The following TSPAN8 variants were observed in gnomAD, a reference collection of about 807,000 sequenced individuals.
TSPAN8 encodes tetraspanin-8.
A neutral mutation model predicts 32.8 loss-of-function variants in TSPAN8; 21 were observed. The observed-to-expected ratio is 0.64, with a 90% confidence interval of 0.45 to 0.92. The LOEUF is 0.92. TSPAN8 is among the 40% of genes least tolerant of loss of function. The pLI, the probability that TSPAN8 is intolerant of heterozygous loss-of-function variation, is 0.00. For missense variants in TSPAN8, 269 were observed against 281.9 expected (o/e 0.95, Z 0.33); for synonymous variants, 95 against 94.6 (o/e 1.00, Z -0.03).
At chr12:71,156,195 G>A (rs1460793812) in intron 2 of TSPAN8, among the ~76,000 whole-genome samples, 1 of 147,282 alleles carries the variant, frequency 6.8e-6, no homozygotes, top group African/African-American at 2.6e-5. Context: ...CACCTGGGCT[G>A]GCCAATGGAG....
rs1045767472 is a variant in TSPAN8 at position 71,129,556 on chromosome 12, A to G, written c.577-142T>C. The G allele has an allele frequency of 4.3e-6, 4 of 923,126 alleles. No homozygotes were observed. The African/African-American group carries it at 6.9e-5, about 16-fold the overall frequency. The allele number at this position is 923,126 out of a possible 1,614,324, so 57.2% of individuals were successfully genotyped here. ...GACAAGGAACTGGGTTATTCCTTCC[A>G]CTCCCTGCTTCACCTTTGCTCCAAA... On this transcript the variant is annotated intron_variant, in intron 7 of 8. Transcript: ENST00000247829.
chr12:71,139,362 T>G, intron 4 of TSPAN8: 1 of 453,292 alleles, frequency 2.2e-6, no homozygotes, highest in Non-Finnish European at 4.1e-6. Flanking sequence ...CTGGGGCCAC[T>G]CCCACTGTAG....
intron 7 of TSPAN8, among the ~76,000 whole-genome samples, chr12:71,132,425 T>C (rs2137047615): frequency 6.6e-6 from 1 of 152,338 alleles, no homozygotes; most frequent in Admixed American, 6.5e-5. Context: ...AAATAAACTT[T>C]TATGTTAGTT....
At chr12:71,125,735 A>T (rs1229986261) in intron 8 of TSPAN8, among the ~76,000 whole-genome samples, 3 of 152,116 alleles carry the variant, frequency 2.0e-5, no homozygotes, top group African/African-American at 4.8e-5. Context: ...AGCACTGGGG[A>T]TCTCAGGTCC....
intron 3 of TSPAN8, among the ~76,000 whole-genome samples, chr12:71,143,281 T>C (rs147360721): frequency 5.9e-5 from 9 of 152,196 alleles, no homozygotes; most frequent in East Asian, 3.9e-4. Context: ...AGCCAGGAAA[T>C]GGTGCCAGGG....
At chr12:71,151,546 A>G (rs1250949729) in intron 2 of TSPAN8, among the ~76,000 whole-genome samples, 1 of 152,264 alleles carries the variant, frequency 6.6e-6, no homozygotes, top group African/African-American at 2.4e-5. Context: ...TTTAATCTGT[A>G]TCCTGATGTT....
intron 2 of TSPAN8, among the ~76,000 whole-genome samples, chr12:71,151,480 C>T (rs930043469): frequency 6.6e-6 from 1 of 152,176 alleles, no homozygotes; most frequent in African/African-American, 2.4e-5. Context: ...AATAGGGCCT[C>T]AGTAACCACT....
chr12:71,128,122 T>C (rs561126775), intron 8 of TSPAN8, among the ~76,000 whole-genome samples: 7 of 152,284 alleles, frequency 4.6e-5, no homozygotes, highest in African/African-American at 1.7e-4. Flanking sequence ...ACTCTGAACA[T>C]ATATCAGACC....
chr12:71,145,075 A>T (rs1202662792), intron 2 of TSPAN8, among the ~76,000 whole-genome samples: 2 of 152,116 alleles, frequency 1.3e-5, no homozygotes, highest in Non-Finnish European at 2.9e-5. Flanking sequence ...TGGGGGACTT[A>T]GTAGACAATT....
In TSPAN8 at chr12:71,149,018, G is replaced by T. The variant is rs146923595; in HGVS notation, c.61-4805C>A. Among the ~76,000 whole-genome samples, 429 of 152,216 alleles carry T rather than the reference G, an allele frequency of 2.8e-3. 9 individuals carry two copies. The East Asian group carries it at 0.051, about 18-fold the overall frequency. On this transcript the variant is annotated intron_variant, in intron 2 of 8. Coordinates refer to ENST00000247829, the MANE Select transcript of TSPAN8 (RefSeq NM_004616.3). ...TGTGCTTGTCCTCTAAGTCTTCAGG[G>T]TGGCAATATCTTTCACTTGTTCAAC...
At chr12:71,138,595 G>GA (rs1336067480) in intron 4 of TSPAN8, among the ~76,000 whole-genome samples, 1 of 152,132 alleles carries the variant, frequency 6.6e-6, no homozygotes, top group African/African-American at 2.4e-5. Flanking sequence ...AATTGGCTTT[G>GA]AAACAGCATC....
At chr12:71,152,948 T>C (rs1872304721) in intron 2 of TSPAN8, among the ~76,000 whole-genome samples, 1 of 152,232 alleles carries the variant, frequency 6.6e-6, no homozygotes, top group Non-Finnish European at 1.5e-5. Flanking sequence ...CAGACTTCTT[T>C]CTGCGCTCTT....
At position 71,149,210 on chromosome 12, in the gene TSPAN8, C is replaced by A. The variant is rs182884090; in HGVS notation, c.61-4997G>T. On this transcript the variant is annotated intron_variant, in intron 2 of 8. Coordinates refer to ENST00000247829, the MANE Select transcript of TSPAN8 (RefSeq NM_004616.3). ...TGAAACCTTGTCTCTACTAAAAATA[C>A]CAAAAAAATTAGCCGAGTGTGGTGG... 8.6e-5 allele frequency among the ~76,000 whole-genome samples: 13 copies of A among 151,832 alleles called. No individual in the cohort carries two copies. The South Asian group carries it at 1.2e-3, about 15-fold the overall frequency.
At chr12:71,137,142 T>C (rs752330975) in intron 6 of TSPAN8, among the ~76,000 whole-genome samples, 1 of 152,060 alleles carries the variant, frequency 6.6e-6, no homozygotes, top group African/African-American at 2.4e-5. Context: ...TAGCCAGGCA[T>C]GGTGGTGTGT....
chr12:71,139,234 C>T (rs984473305), intron 4 of TSPAN8: 5 of 457,852 alleles, frequency 1.1e-5, no homozygotes, highest in African/African-American at 4.0e-5. Flanking sequence ...CCCAAACACA[C>T]CAGCACTGTA....
intron 3 of TSPAN8, among the ~76,000 whole-genome samples, chr12:71,140,966 T>A (rs1265602964): frequency 6.6e-6 from 1 of 152,244 alleles, no homozygotes; most frequent in Admixed American, 6.5e-5. Flanking sequence ...TATGTTCTAA[T>A]GATATTTTTG....
intron 2 of TSPAN8, among the ~76,000 whole-genome samples, chr12:71,154,329 T>C (rs977032127): frequency 5.4e-5 from 8 of 147,016 alleles, no homozygotes; most frequent in Non-Finnish European, 1.0e-4. Context: ...ATAATAATAA[T>C]AATAATAATA....
intron 2 of TSPAN8, among the ~76,000 whole-genome samples, chr12:71,154,568 T>G (rs1872365390): frequency 6.6e-6 from 1 of 152,140 alleles, no homozygotes; most frequent in Non-Finnish European, 1.5e-5. Context: ...TCATAATAGC[T>G]ATTAGCACTT....
At chr12:71,127,032 T>C (rs1871369704) in intron 8 of TSPAN8, among the ~76,000 whole-genome samples, 1 of 152,126 alleles carries the variant, frequency 6.6e-6, no homozygotes, top group African/African-American at 2.4e-5. Flanking sequence ...TGCCTAAACA[T>C]ACTAACATAA....
Sources: allele counts gnomAD v4.1 joint callset (sites outside exome capture counted in the v4.1 genomes callset), GRCh38; gene constraint gnomAD v4.1.1; transcripts MANE v1.5; gene names NCBI Gene and HGNC (gene_info 2026-07-23, HGNC 2026-07-21).